OPRM1: variants seen among roughly 807,000 people sequenced by gnomAD.
OPRM1 encodes mu-type opioid receptor.
Under a neutral mutation model 31.8 loss-of-function variants are expected in OPRM1, and 27 were observed. The ratio of observed to expected loss-of-function variants is 0.85; its 90% CI spans 0.63 to 1.17. OPRM1 has a LOEUF of 1.17. Ranked by LOEUF, OPRM1 falls within the 50% of genes most tolerant of loss-of-function variation. OPRM1 has a pLI of 0.00. For missense variants in OPRM1, 536 were observed against 511.1 expected, an observed-to-expected ratio of 1.05 and a Z score of -0.47; for synonymous variants, 196 against 189.9, an observed-to-expected ratio of 1.03 and a Z score of -0.26.
Position 154,180,386 on chromosome 6 carries a change from C to CTATA in OPRM1, c.1165-66281_1165-66278dup, listed in dbSNP as rs58975780. Reference sequence around the variant, plus strand: ...TACTGAGCTAGTTTAACAACAACAACTATATATATATATATATATATATAT... The same window carrying CTATA: ...TACTGAGCTAGTTTAACAACAACAACTATATATATATATATATATATATATATAT... On this transcript the variant is annotated intron_variant, in intron 3 of 3. Coordinates refer to the OPRM1 transcript ENST00000337049. 9.4e-3 allele frequency among the ~76,000 whole-genome samples: 826 copies of CTATA among 88,164 alleles called. 3 individuals are homozygous for CTATA. Among genetic ancestry groups the CTATA allele is most frequent in the Middle Eastern group, 0.037 (6 of 160 alleles). The allele number at this position is 88,164 out of a possible 152,430, so 57.8% of individuals were successfully genotyped here.
intron 3 of OPRM1, chr6:154,158,298 T>C (rs1798795183): frequency 6.6e-6 from 1 of 152,204 alleles, no homozygotes; most frequent in Non-Finnish European, 1.5e-5. Flanking sequence ...TGGTGGGTTG[T>C]GGTTATTCCT....
In OPRM1 at chr6:154,039,522, G is replaced by A. The variant is rs773639360; in HGVS notation, c.-23G>A. The A allele has an allele frequency of 5.7e-5, 91 of 1,597,150 alleles. No individual in the cohort carries two copies. Among genetic ancestry groups the A allele is most frequent in the Non-Finnish European group, 7.3e-5 (86 of 1,172,194 alleles). On this transcript the variant is annotated 5_prime_UTR_variant, in exon 1 of 4. It adds an upstream start codon to the 5' untranslated region. Coordinates refer to ENST00000330432, the MANE Select transcript of OPRM1 (RefSeq NM_000914.5). Reference sequence around the variant, plus strand: ...GTGCTCCTGGCTACCTCGCACAGCGGTGCCCGCCCGGCCGTCAGTACCATG... The same window carrying A: ...GTGCTCCTGGCTACCTCGCACAGCGATGCCCGCCCGGCCGTCAGTACCATG...
Position 154,090,169 on chromosome 6 carries a change from T to C in OPRM1, c.634T>C (p.Tyr212His), listed in dbSNP as rs1397265576. 2.5e-6 allele frequency: 4 copies of C among 1,609,974 alleles called. No individual in the cohort carries two copies. In the Admixed American group the frequency reaches 6.7e-5, roughly 27 times the overall value. Residue 212 changes from tyrosine (Y) to histidine (H), a missense_variant, in exon 2 of 4, where the codon TAC becomes CAC. Coordinates refer to ENST00000330432, the MANE Select transcript of OPRM1 (RefSeq NM_000914.5). ...TGTAATGTTCATGGCTACAACAAAATACAGGCAAGGTGAGTGATGTTACCA... is the reference window on the plus strand; with the variant it reads ...TGTAATGTTCATGGCTACAACAAAACACAGGCAAGGTGAGTGATGTTACCA... ...LPVMFMATTK[Y>H]RQGSIDCTLT...
At chr6:154,091,584 G>A in intron 3 of OPRM1, 112 bp downstream of exon 3, 2 of 1,449,844 alleles carry the variant, frequency 1.4e-6, no homozygotes, top group African/African-American at 1.4e-5. Context: ...GGAGGGAAGA[G>A]GGGAAGCAAA....
At chr6:154,087,897 C>T (rs1344422079) in intron 1 of OPRM1, 1 of 151,970 alleles carries the variant, frequency 6.6e-6, no homozygotes, top group African/African-American at 2.4e-5. Context: ...TGCAAGTGTA[C>T]CTGCTTATAT....
chr6:154,238,354 CA>C (rs763065099), intron 3 of OPRM1, among the ~76,000 whole-genome samples: 1 of 152,134 alleles, frequency 6.6e-6, no homozygotes, highest in Non-Finnish European at 1.5e-5. Flanking sequence ...CTCCCAGGTT[CA>C]AGCGATTCTC....
intron 3 of OPRM1, chr6:154,159,661 C>T: frequency 1.6e-6 from 1 of 629,538 alleles, no homozygotes; most frequent in South Asian, 1.9e-5. Flanking sequence ...AATGAGGAGC[C>T]CTGGTGTATT....
chr6:154,201,917 A>T (rs1435402013), intron 3 of OPRM1, among the ~76,000 whole-genome samples: 1 of 152,072 alleles, frequency 6.6e-6, no homozygotes, highest in Non-Finnish European at 1.5e-5. Flanking sequence ...AAACAAAAAA[A>T]CTCCAAGGAA....
At chr6:154,196,032 C>T (rs752589682) in intron 3 of OPRM1, among the ~76,000 whole-genome samples, 16 of 152,052 alleles carry the variant, frequency 1.1e-4, no homozygotes, top group Admixed American at 2.0e-4. Context: ...CCTCGTGATC[C>T]GCCTACCTCG....
At chr6:154,108,806 A>G (rs1795992345) in intron 3 of OPRM1, 7 of 985,370 alleles carry the variant, frequency 7.1e-6, no homozygotes, top group African/African-American at 1.7e-5. Context: ...GTTGCAATCC[A>G]TGGAGGAATG....
chr6:154,097,850 A>G (rs762780759), intron 3 of OPRM1, among the ~76,000 whole-genome samples: 4 of 152,180 alleles, frequency 2.6e-5, no homozygotes, highest in Non-Finnish European at 5.9e-5. Flanking sequence ...TTATTTAATC[A>G]TATTAGATAT....
At chr6:154,150,291 T>C (rs1451162015) in intron 3 of OPRM1, among the ~76,000 whole-genome samples, 3 of 152,250 alleles carry the variant, frequency 2.0e-5, no homozygotes, top group African/African-American at 7.2e-5. Context: ...CTCCCTTGTC[T>C]TGCTTGATGC....
rs201847839 is a variant in OPRM1, at chr6:154,091,141, G to A, written c.833G>A (p.Arg278Gln). Residue 278 changes from arginine to glutamine, a missense_variant, in exon 3 of 4, where the codon CGA (arginine) becomes CAA (glutamine). By Grantham distance (43) the Arg-to-Gln change is conservative. Coordinates refer to ENST00000330432, the MANE Select transcript of OPRM1 (RefSeq NM_000914.5). Reference sequence around the variant, plus strand: ...TCCAAAGAAAAGGACAGGAATCTTCGAAGGATCACCAGGATGGTGCTGGTG... The same window carrying A: ...TCCAAAGAAAAGGACAGGAATCTTCAAAGGATCACCAGGATGGTGCTGGTG... ...SGSKEKDRNL[R>Q]RITRMVLVVV... 1.2e-5 allele frequency: 19 copies of A among 1,614,142 alleles called. No homozygotes were observed. Among genetic ancestry groups the A allele is most frequent in the East Asian group, 6.7e-5 (3 of 44,884 alleles).
rs375208537 is a variant in OPRM1, at chr6:154,222,461, G to A, written c.1165-24232G>A. Among the ~76,000 whole-genome samples the A allele has an allele frequency of 7.2e-4, 109 of 152,318 alleles. 1 individual carries two copies. In the South Asian group the frequency reaches 0.021, roughly 30 times the overall value. On this transcript the variant is annotated intron_variant, in intron 3 of 3. Coordinates refer to the OPRM1 transcript ENST00000337049. ...GATAAGACTGGAAAAGATGTCAAAGGTAGAAGAAATAATAAGAAAAAGGTG... is the reference window on the plus strand; with the variant it reads ...GATAAGACTGGAAAAGATGTCAAAGATAGAAGAAATAATAAGAAAAAGGTG...
intron 3 of OPRM1, chr6:154,110,321 C>T (rs1274290515): frequency 6.3e-5 from 66 of 1,051,600 alleles, no homozygotes; most frequent in Non-Finnish European, 1.4e-6. Flanking sequence ...ATAATTGGTA[C>T]ATTGTTCTGT....
chr6:154,199,029 T>C (rs1323815156), intron 3 of OPRM1, among the ~76,000 whole-genome samples: 2 of 152,236 alleles, frequency 1.3e-5, no homozygotes, highest in African/African-American at 4.8e-5. Flanking sequence ...AAGGACCAGT[T>C]ATCAGAGTAT....
chr6:154,061,504 A>C (rs7759522), intron 1 of OPRM1, among the ~76,000 whole-genome samples: 3 of 152,014 alleles, frequency 2.0e-5, no homozygotes, highest in Non-Finnish European at 4.4e-5. Flanking sequence ...AAAGAATGAA[A>C]TCATGTCCTT....
chr6:154,061,137 A>G (rs930817184), intron 1 of OPRM1, among the ~76,000 whole-genome samples: 26 of 152,162 alleles, frequency 1.7e-4, no homozygotes, highest in African/African-American at 6.0e-4. Context: ...TTTGGGGCCC[A>G]CCCTAAATTA....
chr6:154,108,863 G>A (rs2128514351), intron 3 of OPRM1: 2 of 984,780 alleles, frequency 2.0e-6, no homozygotes, highest in South Asian at 4.7e-5. Flanking sequence ...TACTAGAAGT[G>A]TTCTCTAAAA....
Sources: gnomAD v4.1 joint callset for allele counts (sites outside exome capture counted in the v4.1 genomes callset) on GRCh38, gnomAD v4.1.1 for gene constraint, MANE v1.5 for transcripts, NCBI Gene and HGNC (gene_info 2026-07-23, HGNC 2026-07-21) for gene names.